PRKAG2: variants seen among roughly 807,000 people sequenced by gnomAD.
PRKAG2 encodes the protein 5'-AMP-activated protein kinase subunit gamma-2.
PRKAG2 carries 26 observed loss-of-function variants against 69.6 expected under a neutral mutation model. That is an observed-to-expected ratio of 0.37 (90% CI 0.27 to 0.52). The LOEUF (loss-of-function observed/expected upper bound fraction) is 0.52. Among genes scored for constraint, PRKAG2 ranks in the 20% least tolerant of loss-of-function variants. PRKAG2 has a pLI of 0.90. For missense variants in PRKAG2, 557 were observed against 740.0 expected, an observed-to-expected ratio of 0.75 and a Z score of 2.87; for synonymous variants, 293 against 285.0, an observed-to-expected ratio of 1.03 and a Z score of -0.28.
rs1044390749 is a variant in PRKAG2 at position 151,583,338 on chromosome 7, T to G, written c.865-6886A>C. 1.3e-5 allele frequency among the ~76,000 whole-genome samples: 2 copies of G among 152,206 alleles called. No homozygotes were observed. Among genetic ancestry groups the G allele is most frequent in the Non-Finnish European group, 2.9e-5 (2 of 68,032 alleles). On this transcript the variant is annotated intron_variant, in intron 6 of 15. Transcript: ENST00000287878. The surrounding 1 kb of genome is among the most constrained non-coding windows in gnomAD (Gnocchi z 4.1). ...ATTTCATCCACATACACTGTTGACC[T>G]GTCCGCAGGTCACTGAGGAAGTCTC...
At chr7:151,837,424 AT>A (rs1401474116) in intron 1 of PRKAG2, 2 of 152,482 alleles carry the variant, frequency 1.3e-5, no homozygotes. Context: ...GCCCACGGGG[AT>A]GGCAGCTGGG....
At chr7:151,726,449 C>T (rs1333644605) in intron 3 of PRKAG2, among the ~76,000 whole-genome samples, 1 of 151,708 alleles carries the variant, frequency 6.6e-6, no homozygotes, top group Non-Finnish European at 1.5e-5. Flanking sequence ...TGGCTGCGTG[C>T]GTACCCTACT....
At chr7:151,644,915 T>C (rs1033022062) in intron 4 of PRKAG2, among the ~76,000 whole-genome samples, 2 of 152,254 alleles carry the variant, frequency 1.3e-5, no homozygotes, top group African/African-American at 4.8e-5. Flanking sequence ...TGAGTTTAAT[T>C]TGCATTTCCT....
rs1334860861 is a variant in PRKAG2, at chr7:151,631,271, C to T, written c.754+798G>A. On this transcript the variant is annotated intron_variant, in intron 5 of 15. Coordinates refer to ENST00000287878, the MANE Select transcript of PRKAG2 (RefSeq NM_016203.4). ...TCAAGCATCTTATATAAAGTTCTTT[C>T]CCGACTCTGAGCTCATCACATTTCA... Among the ~76,000 whole-genome samples, 8 of 152,314 alleles carry T rather than the reference C, an allele frequency of 5.3e-5. No individual in the cohort carries two copies. The East Asian group carries it at 1.4e-3, about 26-fold the overall frequency.
intron 1 of PRKAG2, among the ~76,000 whole-genome samples, chr7:151,868,561 C>T (rs547997018): frequency 6.6e-6 from 1 of 152,244 alleles, no homozygotes; most frequent in Admixed American, 6.5e-5. Flanking sequence ...TTTTAAACGA[C>T]GTTGACAGAA....
In PRKAG2 at chr7:151,773,044, AGAGAGAGAGGGAGG is replaced by A. The variant is rs1202815272; in HGVS notation, c.466+8094_466+8107del. 5.6e-3 allele frequency among the ~76,000 whole-genome samples: 190 copies of A among 33,708 alleles called. 6 individuals are homozygous for A. The East Asian group carries it at 0.068, about 12-fold the overall frequency. The allele number at this position is 33,708 out of a possible 152,430, so 22.1% of individuals were successfully genotyped here. A position where few individuals can be genotyped will look rare whatever the true frequency, so the allele number is the denominator to read the frequency against. ...AAGAAAGAGAGAGAGAGAGAGAGAG[AGAGAGAGAGGGAGG>A]GAGGGAGGGAGGGAGGGAGGGAGGG... On this transcript the variant is annotated intron_variant, in intron 3 of 15. Coordinates refer to ENST00000287878, the MANE Select transcript of PRKAG2 (RefSeq NM_016203.4).
In PRKAG2 at chr7:151,588,996, T is replaced by C. The variant is rs1448017372; in HGVS notation, c.864+6349A>G. 3.3e-5 allele frequency among the ~76,000 whole-genome samples: 5 copies of C among 152,170 alleles called. 1 individual carries two copies. Among genetic ancestry groups the C allele is most frequent in the African/African-American group, 7.2e-5 (3 of 41,446 alleles). On this transcript the variant is annotated intron_variant, in intron 6 of 15. Coordinates refer to ENST00000287878, the MANE Select transcript of PRKAG2 (RefSeq NM_016203.4). ...CTGCTCCATGCCCATCCCTCTAACT[T>C]GGCTTGGTGATGCTGGGACTTTGCA... is the stretch of plus-strand genomic sequence containing the variant.
chr7:151,625,474 C>T (rs1048315825), intron 5 of PRKAG2, among the ~76,000 whole-genome samples: 6 of 152,188 alleles, frequency 3.9e-5, no homozygotes, highest in Middle Eastern at 6.8e-3. Flanking sequence ...GGAAAAGTAC[C>T]GGAGGCTTTA....
chr7:151,591,357 T>C (rs1166877989), intron 6 of PRKAG2, among the ~76,000 whole-genome samples: 1 of 152,242 alleles, frequency 6.6e-6, no homozygotes, highest in East Asian at 1.9e-4. Context: ...CTGGCCATCT[T>C]CACACTGCAC....
rs141561003 is a variant in PRKAG2, at chr7:151,586,755, G to A, written c.864+8590C>T. Reference sequence around the variant, plus strand: ...AGCATCAGCCTGGAACAATAGGACCGGGGCTTCTCTTTCCTTCCTGCTTTT... The same window carrying A: ...AGCATCAGCCTGGAACAATAGGACCAGGGCTTCTCTTTCCTTCCTGCTTTT... On this transcript the variant is annotated intron_variant, in intron 6 of 15. Coordinates refer to ENST00000287878, the MANE Select transcript of PRKAG2 (RefSeq NM_016203.4). 1.7e-3 allele frequency among the ~76,000 whole-genome samples: 263 copies of A among 152,290 alleles called. 1 individual carries two copies. Among genetic ancestry groups the A allele is most frequent in the African/African-American group, 5.7e-3 (235 of 41,566 alleles).
In PRKAG2 at chr7:151,777,881, C is replaced by T. The variant is rs944467476; in HGVS notation, c.466+3271G>A. 3.3e-5 allele frequency among the ~76,000 whole-genome samples: 5 copies of T among 152,116 alleles called. No individual in the cohort carries two copies. The highest frequency in any genetic ancestry group is 2.1e-4 in the South Asian group (1 of 4,828). ...TTAGGATTATGGGAGGGGCCTGAAC[C>T]GGGCTAACATGCAGGTGTAGTTTCT... is the stretch of plus-strand genomic sequence containing the variant. On this transcript the variant is annotated intron_variant, in intron 3 of 15. Coordinates refer to ENST00000287878, the MANE Select transcript of PRKAG2 (RefSeq NM_016203.4). The surrounding 1 kb of genome is among the most constrained non-coding windows in gnomAD (Gnocchi z 4.3).
intron 1 of PRKAG2, among the ~76,000 whole-genome samples, chr7:151,826,191 G>GTT (rs5888454): frequency 2.0e-5 from 3 of 149,666 alleles, no homozygotes; most frequent in African/African-American, 7.4e-5. Context: ...TTTTGTTGTT[G>GTT]TTTTTTTTTG....
chr7:151,777,432 G>C lies in PRKAG2; in HGVS notation c.466+3720C>G, dbSNP rs936067715. Among the ~76,000 whole-genome samples, 1 of 152,144 alleles carries C rather than the reference G, an allele frequency of 6.6e-6. No homozygotes were observed. Among genetic ancestry groups the C allele is most frequent in the South Asian group, 2.1e-4 (1 of 4,830 alleles). On this transcript the variant is annotated intron_variant, in intron 3 of 15. Coordinates refer to ENST00000287878, the MANE Select transcript of PRKAG2 (RefSeq NM_016203.4). The surrounding 1 kb of genome is among the most constrained non-coding windows in gnomAD (Gnocchi z 4.3). Reference sequence around the variant, plus strand: ...CCCGTGGGAGGTGTTTGGGTCCTGGGGGCAGATGCCTCATGAATGGCTGGG... The same window carrying C: ...CCCGTGGGAGGTGTTTGGGTCCTGGCGGCAGATGCCTCATGAATGGCTGGG...
intron 1 of PRKAG2, among the ~76,000 whole-genome samples, chr7:151,852,192 G>T (rs553804853): frequency 6.6e-6 from 1 of 152,162 alleles, no homozygotes; most frequent in Non-Finnish European, 1.5e-5. Context: ...GGCTAGGGGG[G>T]ACAGAACCCT....
chr7:151,753,100 C>T (rs562157773), intron 3 of PRKAG2, among the ~76,000 whole-genome samples: 2 of 152,330 alleles, frequency 1.3e-5, no homozygotes, highest in African/African-American at 4.8e-5. Context: ...AAGAACTGGC[C>T]GTTGTCCTCC....
intron 3 of PRKAG2, among the ~76,000 whole-genome samples, chr7:151,678,339 G>A (rs1833287758): frequency 1.3e-5 from 2 of 152,200 alleles, no homozygotes; most frequent in Non-Finnish European, 1.5e-5. Flanking sequence ...GAGCCAAGGG[G>A]TCTGGCAAAT....
intron 5 of PRKAG2, among the ~76,000 whole-genome samples, chr7:151,601,575 A>C (rs958741920): frequency 2.3e-4 from 35 of 152,156 alleles, no homozygotes; most frequent in Admixed American, 2.2e-3. Context: ...GCTATGAGGG[A>C]GGATGCTCTG....
chr7:151,774,320 G>C (rs1423474789), intron 3 of PRKAG2, among the ~76,000 whole-genome samples: 1 of 152,140 alleles, frequency 6.6e-6, no homozygotes, highest in Non-Finnish European at 1.5e-5. Flanking sequence ...AAAAACACCA[G>C]CCAGCCTAGG....
intron 5 of PRKAG2, among the ~76,000 whole-genome samples, chr7:151,626,218 T>C (rs1822869051): frequency 6.6e-6 from 1 of 152,154 alleles, no homozygotes; most frequent in Non-Finnish European, 1.5e-5. Flanking sequence ...CTCCCAGCAT[T>C]GTCCTCTGCT....
Sources: gnomAD v4.1 joint callset for allele counts (sites outside exome capture counted in the v4.1 genomes callset) on GRCh38, gnomAD v4.1.1 for gene constraint, Gnocchi (gnomAD v3.1) non-coding constraint, MANE v1.5 for transcripts, NCBI Gene and HGNC (gene_info 2026-07-23, HGNC 2026-07-21) for gene names.